Variants in ZDHHC4 observed in about 807,000 individuals in gnomAD.
The protein encoded by ZDHHC4 is palmitoyltransferase ZDHHC4.
A neutral mutation model predicts 36.7 loss-of-function variants in ZDHHC4; 42 were observed. That is an observed-to-expected ratio of 1.14 (90% CI 0.89 to 1.48). The LOEUF (loss-of-function observed/expected upper bound fraction) is 1.48, where lower values mean the gene tolerates loss of function less well. Ranked by LOEUF, ZDHHC4 falls within the 40% of genes most tolerant of loss-of-function variation. ZDHHC4 has a pLI of 0.00. For missense variants in ZDHHC4, 457 were observed against 421.5 expected (o/e 1.08, Z -0.74); for synonymous variants, 189 against 166.6 (o/e 1.13, Z -1.03).
Position 6,582,301 on chromosome 7 carries a change from C to CTAAT in ZDHHC4, c.370+51_370+54dup, listed in dbSNP as rs147906510. ...GCATGGTGACAGCTCCACTGTCTTA[C>CTAAT]TAATAGTGCTGCAAACAAGGAGAGG... On this transcript the variant is annotated intron_variant, in intron 5 of 7. Transcript: ENST00000335965. 1,700 of 1,523,418 alleles carry CTAAT rather than the reference C, an allele frequency of 1.1e-3. 22 individuals carry two copies. In the African/African-American group the frequency reaches 0.02, roughly 18 times the overall value. The allele number at this position is 1,523,418 out of a possible 1,614,324, so 94.4% of individuals were successfully genotyped here. A position where few individuals can be genotyped will look rare whatever the true frequency, so the allele number is the denominator to read the frequency against.
chr7:6,582,698 A>T (rs1386118181), intron 5 of ZDHHC4, among the ~76,000 whole-genome samples: 1 of 151,940 alleles, frequency 6.6e-6, no homozygotes, highest in Admixed American at 6.6e-5. Flanking sequence ...TTGTATTTTT[A>T]GTAGAGATGG....
At chr7:6,582,439 A>G (rs917747281) in intron 5 of ZDHHC4, 188 bp downstream of exon 5, 7 of 582,048 alleles carry the variant, frequency 1.2e-5, no homozygotes, top group East Asian at 2.8e-5. Context: ...ATTTAAAACC[A>G]CTTAAAATTT....
intron 2 of ZDHHC4, among the ~76,000 whole-genome samples, chr7:6,579,092 G>C (rs1780651340): frequency 6.6e-6 from 1 of 151,934 alleles, no homozygotes; most frequent in Admixed American, 6.6e-5. Context: ...CCAAAGTGCT[G>C]GGAGTACAGG....
chr7:6,582,751 C>T (rs990622104), intron 5 of ZDHHC4, among the ~76,000 whole-genome samples: 2 of 151,984 alleles, frequency 1.3e-5, no homozygotes, highest in African/African-American at 4.8e-5. Context: ...CTCCTGACCT[C>T]GTGATCCACC....
chr7:6,588,584 C>G (rs1338764332), intron 7 of ZDHHC4, 33 bp from the exon 8 acceptor site: 2 of 1,602,752 alleles, frequency 1.2e-6, no homozygotes, highest in Non-Finnish European at 1.7e-6. Flanking sequence ...CACAGTCCAG[C>G]TGCCTAAAGC....
intron 5 of ZDHHC4, among the ~76,000 whole-genome samples, chr7:6,582,662 C>T (rs763132838): frequency 1.8e-4 from 27 of 152,000 alleles, no homozygotes; most frequent in East Asian, 1.9e-4. Flanking sequence ...GGACTACAGG[C>T]GTGCGCCACC....
In ZDHHC4 at chr7:6,587,106, A is replaced by G. The variant is rs545732998; in HGVS notation, c.742-1511A>G. ...GTCACCTAGGCTGGAGTGCAGTGGTACCATCACAGCTCACTATGACCTGGA... is the reference window on the plus strand; with the variant it reads ...GTCACCTAGGCTGGAGTGCAGTGGTGCCATCACAGCTCACTATGACCTGGA... On this transcript the variant is annotated intron_variant, in intron 7 of 7. Transcript: ENST00000335965. Among the ~76,000 whole-genome samples, 21 of 149,598 alleles carry G rather than the reference A, an allele frequency of 1.4e-4. No homozygotes were observed. In the South Asian group the frequency reaches 3.8e-3, roughly 27 times the overall value.
chr7:6,581,507 C>G lies in ZDHHC4; in HGVS notation c.118-100C>G. ...CACCCATATAGGGAAACAAAACTTA[C>G]TATCACCCAGATTGCCAGCTGTATG... On this transcript the variant is annotated intron_variant, in intron 3 of 7. Transcript: ENST00000335965. 4.8e-5 allele frequency: 42 copies of G among 869,822 alleles called. No homozygotes were observed. The South Asian group carries it at 5.9e-4, about 12-fold the overall frequency. 53.9% of individuals were successfully genotyped at this position (869,822 alleles called of 1,614,324 possible). A position where few individuals can be genotyped will look rare whatever the true frequency, so the allele number is the denominator to read the frequency against.
rs1224364676 is a variant in ZDHHC4, at chr7:6,585,128, C to T, written c.609C>T (p.Ala203=). 2 of 1,614,086 alleles carry T rather than the reference C, an allele frequency of 1.2e-6. No individual in the cohort carries two copies. Among genetic ancestry groups the T allele is most frequent in the Admixed American group, 3.3e-5 (2 of 59,996 alleles). Reference sequence around the variant, plus strand: ...TCATCTACGTCTTGACCTTGACGGCCTCGGCTGCCACCGTCGCCATTGTGA... The same window carrying T: ...TCATCTACGTCTTGACCTTGACGGCTTCGGCTGCCACCGTCGCCATTGTGA... The part of the protein sequence containing the change: ...YFLIYVLTLT[A]SAATVAIVST... Residue 203 remains alanine (A), a synonymous_variant, in exon 7 of 8, where the codon GCC becomes GCT. Transcript: ENST00000335965.
intron 2 of ZDHHC4, among the ~76,000 whole-genome samples, chr7:6,579,680 T>C (rs928433417): frequency 3.3e-5 from 5 of 152,192 alleles, no homozygotes; most frequent in Admixed American, 6.5e-5. Flanking sequence ...AGCAGATTCT[T>C]TGGGGACACA....
chr7:6,581,787 G>A lies in ZDHHC4; in HGVS notation c.191+107G>A, dbSNP rs559287942. 291 of 960,528 alleles carry A rather than the reference G, an allele frequency of 3.0e-4. No homozygotes were observed. In the African/African-American group the frequency reaches 3.8e-3, roughly 13 times the overall value. 59.5% of individuals were successfully genotyped at this position (960,528 alleles called of 1,614,324 possible). A position where few individuals can be genotyped will look rare whatever the true frequency, so the allele number is the denominator to read the frequency against. On this transcript the variant is annotated intron_variant, in intron 4 of 7. Transcript: ENST00000335965. The stretch of plus-strand genomic sequence containing the variant: ...TCCTTGTGGTTTCCAGCATGGTGAG[G>A]GAAAGAAGGCCGGAAAGAATCACGA...
intron 6 of ZDHHC4, among the ~76,000 whole-genome samples, chr7:6,584,584 A>G (rs1470996685): frequency 2.0e-5 from 3 of 152,214 alleles, no homozygotes; most frequent in African/African-American, 7.2e-5. Flanking sequence ...GGAGTATTGT[A>G]GTAAAAAGAC....
In ZDHHC4 at chr7:6,589,153, G is replaced by C; in HGVS notation, c.*243G>C. ...AAGAGATGACTTCTCAGAGGTTCTA[G>C]GTGATGCTGAGACCTTGGTGTCTCT... On this transcript the variant is annotated 3_prime_UTR_variant, in exon 8 of 8. Transcript: ENST00000335965. The C allele has an allele frequency of 2.0e-6, 1 of 509,818 alleles. No homozygotes were observed. Among genetic ancestry groups the C allele is most frequent in the Non-Finnish European group, 3.5e-6 (1 of 282,388 alleles). 31.6% of individuals were successfully genotyped at this position (509,818 alleles called of 1,614,324 possible).
At chr7:6,588,521 C>A in intron 7 of ZDHHC4, 96 bp from the exon 8 acceptor site, 1 of 1,341,096 alleles carries the variant, frequency 7.5e-7, no homozygotes, top group Non-Finnish European at 1.0e-6. Context: ...GAGGAAGCAG[C>A]GCTGGTGGCT....
In ZDHHC4 at chr7:6,577,470, CGGGAGGCGCCGGAGCCCAGCGGCT is replaced by C. The variant is rs1308424939; in HGVS notation, c.-188_-165del. On this transcript the variant is annotated 5_prime_UTR_variant, in exon 1 of 8. Coordinates refer to ENST00000335965, the MANE Select transcript of ZDHHC4 (RefSeq NM_001134389.2). ...CCCGCAGGAAGTCTCGTATCGCGCC[CGGGAGGCGCCGGAGCCCAGCGGCT>C]GGCGGTAAGGCCGCCTCCGCGGGGC... is the stretch of plus-strand genomic sequence containing the variant. 6.6e-6 allele frequency: 1 copy of C among 152,174 alleles called. No individual in the cohort carries two copies. Among genetic ancestry groups the C allele is most frequent in the Non-Finnish European group, 1.5e-5 (1 of 68,042 alleles). The allele number at this position is 152,174 out of a possible 1,614,324, so 9.4% of individuals were successfully genotyped here.
At position 6,583,514 on chromosome 7, in the gene ZDHHC4, C is replaced by T. The variant is rs936119112; in HGVS notation, c.496+83C>T. On this transcript the variant is annotated intron_variant, in intron 6 of 7. Transcript: ENST00000335965. Reference sequence around the variant, plus strand: ...TCTGTGAGGGAATGTTTCCTGAATCCGAAAGCAGAGCCAGTTCACCCCCAG... The same window carrying T: ...TCTGTGAGGGAATGTTTCCTGAATCTGAAAGCAGAGCCAGTTCACCCCCAG... 9.9e-6 allele frequency: 15 copies of T among 1,520,494 alleles called. No individual in the cohort carries two copies. The East Asian group carries it at 1.4e-4, about 14-fold the overall frequency. The allele number at this position is 1,520,494 out of a possible 1,614,324, so 94.2% of individuals were successfully genotyped here. A position where few individuals can be genotyped will look rare whatever the true frequency, so the allele number is the denominator to read the frequency against.
chr7:6,582,078 A>G lies in ZDHHC4; in HGVS notation c.197A>G (p.His66Arg). Residue 66 changes from histidine to arginine, a missense_variant, in exon 5 of 8, where the codon CAC becomes CGC. Transcript: ENST00000335965. ...CCATGCCTGTTTTCTTTCAGAAACC[A>G]CACCTTCATTGTCCTGCACCTGGTC... is the stretch of plus-strand genomic sequence containing the variant. ...LLHYLFHTRN[H>R]TFIVLHLVLQ... The G allele has an allele frequency of 6.2e-7, 1 of 1,611,170 alleles. No homozygotes were observed. The highest frequency in any genetic ancestry group is 1.3e-5 in the African/African-American group (1 of 74,986).
chr7:6,589,056 T>A lies in ZDHHC4; in HGVS notation c.*146T>A, dbSNP rs967465435. The A allele has an allele frequency of 1.0e-6, 1 of 983,836 alleles. No individual in the cohort carries two copies. Among genetic ancestry groups the A allele is most frequent in the Non-Finnish European group, 1.5e-6 (1 of 670,758 alleles). 60.9% of individuals were successfully genotyped at this position (983,836 alleles called of 1,614,324 possible). A position where few individuals can be genotyped will look rare whatever the true frequency, so the allele number is the denominator to read the frequency against. Reference sequence around the variant, plus strand: ...AAGGGAGAGAGGGGAAAATGGGTGTTGACTGAGGAATCCCCCTTGCTTGTC... The same window carrying A: ...AAGGGAGAGAGGGGAAAATGGGTGTAGACTGAGGAATCCCCCTTGCTTGTC... On this transcript the variant is annotated 3_prime_UTR_variant, in exon 8 of 8. Coordinates refer to ENST00000335965, the MANE Select transcript of ZDHHC4 (RefSeq NM_001134389.2).
At chr7:6,579,720 T>C (rs879784347) in intron 2 of ZDHHC4, among the ~76,000 whole-genome samples, 3 of 152,210 alleles carry the variant, frequency 2.0e-5, no homozygotes, top group Non-Finnish European at 2.9e-5. Flanking sequence ...TTTAAGGAAG[T>C]AAAAGAATGA....
Sources: gnomAD v4.1 joint callset for allele counts (sites outside exome capture counted in the v4.1 genomes callset) on GRCh38, gnomAD v4.1.1 for gene constraint, MANE v1.5 for transcripts, NCBI Gene and HGNC (gene_info 2026-07-23, HGNC 2026-07-21) for gene names.